Variants in ARHGAP23 observed in about 807,000 individuals in gnomAD.
ARHGAP23 encodes Rho GTPase activating protein 23.
A neutral mutation model predicts 136.3 loss-of-function variants in ARHGAP23; 34 were observed. That is an observed-to-expected ratio of 0.25 (90% CI 0.19 to 0.33). The LOEUF is 0.33. Ranked by LOEUF, ARHGAP23 falls within the 10% of genes least tolerant of loss-of-function variation. ARHGAP23 has a pLI of 1.00. For missense variants in ARHGAP23, 1,808 were observed against 2,139.0 expected, an observed-to-expected ratio of 0.85 and a Z score of 3.05; for synonymous variants, 832 against 920.5, an observed-to-expected ratio of 0.90 and a Z score of 1.74.
At chr17:38,435,373 C>T (rs948067797) in intron 1 of ARHGAP23, among the ~76,000 whole-genome samples, 1 of 152,156 alleles carries the variant, frequency 6.6e-6, no homozygotes, top group Admixed American at 6.5e-5. Context: ...TCAGCTCTGA[C>T]CTGCGGTGAT....
At chr17:38,419,944 C>T (rs1164882249) in intron 1 of ARHGAP23, among the ~76,000 whole-genome samples, 1 of 152,202 alleles carries the variant, frequency 6.6e-6, no homozygotes, top group African/African-American at 2.4e-5. Flanking sequence ...GCTGCAGCAG[C>T]TGCTGCCACC....
intron 14 of ARHGAP23, 114 bp downstream of exon 14, chr17:38,479,997 C>T (rs2039997201): frequency 7.0e-7 from 1 of 1,418,710 alleles, no homozygotes; most frequent in Non-Finnish European, 9.5e-7. Context: ...GACTGTGTGC[C>T]AGGGCTACCG....
intron 23 of ARHGAP23, among the ~76,000 whole-genome samples, chr17:38,508,000 G>A (rs917361460): frequency 3.3e-5 from 5 of 152,232 alleles, no homozygotes; most frequent in East Asian, 1.9e-4. Context: ...CAGTCCCAGC[G>A]TCTGCTTCTA....
chr17:38,479,166 G>A (rs1409386958), intron 12 of ARHGAP23, among the ~76,000 whole-genome samples: 3 of 152,186 alleles, frequency 2.0e-5, no homozygotes, highest in Non-Finnish European at 2.9e-5. Flanking sequence ...GGTGGCGAGT[G>A]CTGCATGATT....
chr17:38,480,115 T>C (rs2040000559), intron 14 of ARHGAP23, among the ~76,000 whole-genome samples: 1 of 152,030 alleles, frequency 6.6e-6, no homozygotes, highest in African/African-American at 2.4e-5. Context: ...TGCTGGGTGG[T>C]CCTCTAATCT....
chr17:38,471,175 A>C (rs2039747386), intron 10 of ARHGAP23, among the ~76,000 whole-genome samples: 1 of 149,488 alleles, frequency 6.7e-6, no homozygotes. Context: ...CTGATCTTGA[A>C]CTCCTGACCT....
chr17:38,469,959 G>A, intron 10 of ARHGAP23, 55 bp downstream of exon 10: 1 of 1,540,570 alleles, frequency 6.5e-7, no homozygotes, highest in African/African-American at 1.4e-5. Context: ...GGGAGAGAGG[G>A]TGTCAGGGAG....
chr17:38,483,250 G>A (rs1476742854), intron 16 of ARHGAP23, among the ~76,000 whole-genome samples: 2 of 152,136 alleles, frequency 1.3e-5, no homozygotes, highest in African/African-American at 2.4e-5. Context: ...TTTACAAACC[G>A]CCGGCTTAGA....
chr17:38,484,958 G>A (rs1297790989), intron 16 of ARHGAP23, among the ~76,000 whole-genome samples: 1 of 152,044 alleles, frequency 6.6e-6, no homozygotes, highest in Non-Finnish European at 1.5e-5. Context: ...CTCTTTGTTG[G>A]GGGTATTAGG....
intron 11 of ARHGAP23, among the ~76,000 whole-genome samples, chr17:38,476,913 G>A (rs1385043342): frequency 6.6e-6 from 1 of 152,160 alleles, no homozygotes; most frequent in African/African-American, 2.4e-5. Flanking sequence ...GTGGGGGAGG[G>A]CAAGTAGAGA....
intron 1 of ARHGAP23, among the ~76,000 whole-genome samples, chr17:38,433,508 A>G (rs1567772320): frequency 6.6e-6 from 1 of 152,206 alleles, no homozygotes; most frequent in Non-Finnish European, 1.5e-5. Context: ...CTGGAGGTGC[A>G]GTGAGGTCTG....
intron 17 of ARHGAP23, among the ~76,000 whole-genome samples, chr17:38,489,255 C>T (rs2040219990): frequency 6.6e-6 from 1 of 152,120 alleles, no homozygotes; most frequent in South Asian, 2.1e-4. Context: ...TTTAGGATGG[C>T]CTTAGGATTA....
At chr17:38,473,416 A>G (rs566600324) in intron 11 of ARHGAP23, among the ~76,000 whole-genome samples, 15 of 152,150 alleles carry the variant, frequency 9.9e-5, no homozygotes, top group Admixed American at 5.2e-4. Flanking sequence ...TCACTTTCTG[A>G]TCTGTACGAT....
intron 1 of ARHGAP23, among the ~76,000 whole-genome samples, chr17:38,432,637 C>T (rs1008717217): frequency 6.6e-6 from 1 of 151,884 alleles, no homozygotes; most frequent in African/African-American, 2.4e-5. Context: ...CAAGATCACG[C>T]CATTGCATTC....
At chr17:38,481,397 T>C (rs2040038580) in intron 14 of ARHGAP23, among the ~76,000 whole-genome samples, 1 of 152,134 alleles carries the variant, frequency 6.6e-6, no homozygotes, top group Non-Finnish European at 1.5e-5. Context: ...TCCGCCCGCC[T>C]CGGCCTCCCA....
rs554826087 is a variant in ARHGAP23 at position 38,469,625 on chromosome 17, C to T, written c.1906C>T (p.Arg636Trp). The T allele has an allele frequency of 1.2e-5, 19 of 1,548,684 alleles. No homozygotes were observed. Among genetic ancestry groups the T allele is most frequent in the East Asian group, 4.9e-5 (2 of 40,912 alleles). Reference protein sequence around the residue: ...DGLNTFRDEGRVLRRLPNRIP... With the variant: ...DGLNTFRDEGWVLRRLPNRIP... ...ACTCAACACCTTCCGCGACGAGGGC[C>T]GGGTTCTGCGGTGAGGCCCTGTCCG... is the stretch of plus-strand genomic sequence containing the variant. Residue 636 changes from arginine to tryptophan, a missense_variant, in exon 9 of 24, where the codon CGG (arginine) becomes TGG (tryptophan). By Grantham distance (101) the Arg-to-Trp change is moderately radical. Around this residue, in one of 7 missense-constraint regions of ARHGAP23, gnomAD observed 859 missense variants for 936.4 expected, o/e 0.92. Coordinates refer to ENST00000622683, the MANE Select transcript of ARHGAP23 (RefSeq NM_001199417.2).
intron 1 of ARHGAP23, chr17:38,452,543 A>C (rs2144581060): frequency 6.6e-6 from 1 of 152,278 alleles, no homozygotes; most frequent in Non-Finnish European, 1.5e-5. Context: ...GTAGGATAGA[A>C]GTTGGGATGA....
At chr17:38,444,300 G>A (rs1368258017) in intron 1 of ARHGAP23, among the ~76,000 whole-genome samples, 2 of 152,076 alleles carry the variant, frequency 1.3e-5, no homozygotes, top group Non-Finnish European at 2.9e-5. Flanking sequence ...TGCTGGCCAC[G>A]GGACCTGCCT....
intron 20 of ARHGAP23, among the ~76,000 whole-genome samples, chr17:38,495,867 AG>A (rs2040380563): frequency 6.6e-6 from 1 of 151,588 alleles, no homozygotes; most frequent in Non-Finnish European, 1.5e-5. Context: ...ATAGGTGTTG[AG>A]GGGGGTAAAG....
Sources: allele counts gnomAD v4.1 joint callset (sites outside exome capture counted in the v4.1 genomes callset), GRCh38; gene constraint gnomAD v4.1.1; regional missense constraint gnomAD v4.1.1; transcripts MANE v1.5; gene names NCBI Gene and HGNC (gene_info 2026-07-23, HGNC 2026-07-21).